The following FNIP1 variants were observed in gnomAD, a reference collection of about 807,000 sequenced individuals.
The protein encoded by FNIP1 is folliculin-interacting protein 1.
In FNIP1, 40 loss-of-function variants were observed where a neutral mutation model predicts 124.5. The ratio of observed to expected loss-of-function variants is 0.32; its 90% confidence interval spans 0.25 to 0.42. The LOEUF is 0.42. Among genes scored for constraint, FNIP1 ranks in the 10% least tolerant of loss-of-function variants. The pLI is 1.00. For missense variants in FNIP1, 1,176 were observed against 1,403.7 expected (o/e 0.84, Z 2.59); for synonymous variants, 472 against 470.6 (o/e 1.00, Z -0.04).
chr5:131,673,444 G>A (rs1767825923), intron 13 of FNIP1, among the ~76,000 whole-genome samples: 1 of 152,016 alleles, frequency 6.6e-6, no homozygotes, highest in Admixed American at 6.6e-5. Flanking sequence ...TGAATTTAAG[G>A]GTTTTCTGGT....
chr5:131,751,859 T>A (rs1770882633), intron 1 of FNIP1, among the ~76,000 whole-genome samples: 1 of 152,192 alleles, frequency 6.6e-6, no homozygotes, highest in African/African-American at 2.4e-5. Flanking sequence ...AGATGAAATG[T>A]TCTGGAATTA....
intron 3 of FNIP1, among the ~76,000 whole-genome samples, chr5:131,724,488 G>C (rs926716532): frequency 2.0e-5 from 3 of 151,882 alleles, no homozygotes; most frequent in Non-Finnish European, 2.9e-5. Flanking sequence ...TTTCATGTTT[G>C]TTGGCCGTGT....
chr5:131,781,258 A>C (rs1771987168), intron 1 of FNIP1, among the ~76,000 whole-genome samples: 1 of 152,278 alleles, frequency 6.6e-6, no homozygotes, highest in African/African-American at 2.4e-5. Context: ...TTAACATAAA[A>C]TTACAAGGTA....
intron 8 of FNIP1, among the ~76,000 whole-genome samples, chr5:131,708,786 T>C (rs908066158): frequency 1.3e-5 from 2 of 150,842 alleles, no homozygotes; most frequent in African/African-American, 4.9e-5. Context: ...AGGTCCATAT[T>C]TGGAAAAAAA....
At chr5:131,772,385 C>CT (rs1771665296) in intron 1 of FNIP1, among the ~76,000 whole-genome samples, 1 of 145,372 alleles carries the variant, frequency 6.9e-6, no homozygotes, top group East Asian at 2.1e-4. Flanking sequence ...AATTTTACTG[C>CT]ATGTAAACTG....
At chr5:131,712,965 G>A (rs1457301423) in intron 6 of FNIP1, among the ~76,000 whole-genome samples, 1 of 152,126 alleles carries the variant, frequency 6.6e-6, no homozygotes, top group Non-Finnish European at 1.5e-5. Context: ...AGCAGTAATT[G>A]ATGCTGATTA....
intron 15 of FNIP1, among the ~76,000 whole-genome samples, chr5:131,659,970 C>T (rs904809027): frequency 2.6e-5 from 4 of 152,210 alleles, no homozygotes; most frequent in Non-Finnish European, 5.9e-5. Flanking sequence ...AGAAGTCCTT[C>T]CGACCCATGC....
At chr5:131,735,485 G>A (rs1580796560) in intron 2 of FNIP1, among the ~76,000 whole-genome samples, 1 of 67,732 alleles carries the variant, frequency 1.5e-5, no homozygotes, top group Admixed American at 1.6e-4. Flanking sequence ...ACGTATATAT[G>A]TATATATACG....
At position 131,762,465 on chromosome 5, in the gene FNIP1, G is replaced by A. The variant is rs552025824; in HGVS notation, c.93-17775C>T. On this transcript the variant is annotated intron_variant, in intron 1 of 17. Coordinates refer to ENST00000510461, the MANE Select transcript of FNIP1 (RefSeq NM_133372.3). ...CCTGAATAGACATTTCTCAAAAGAAGACATACAGATGGCAAACAGGTATAT... is the reference window on the plus strand; with the variant it reads ...CCTGAATAGACATTTCTCAAAAGAAAACATACAGATGGCAAACAGGTATAT... Among the ~76,000 whole-genome samples the A allele has an allele frequency of 1.0e-3, 153 of 152,258 alleles. 1 individual carries two copies. Among genetic ancestry groups the A allele is most frequent in the African/African-American group, 3.5e-3 (146 of 41,544 alleles).
chr5:131,782,844 C>CA (rs1195620937), intron 1 of FNIP1, among the ~76,000 whole-genome samples: 1 of 152,172 alleles, frequency 6.6e-6, no homozygotes, highest in Admixed American at 6.5e-5. Context: ...GAGGCTAGGC[C>CA]AGGCGTGGTG....
At chr5:131,794,515 A>G (rs1247216959) in intron 1 of FNIP1, among the ~76,000 whole-genome samples, 2 of 152,226 alleles carry the variant, frequency 1.3e-5, no homozygotes, top group Non-Finnish European at 1.5e-5. Context: ...AGATTTATAC[A>G]CAAACATTAA....
chr5:131,647,055 T>C (rs1436522163), intron 17 of FNIP1, 35 bp downstream of exon 17: 2 of 1,590,772 alleles, frequency 1.3e-6, no homozygotes, highest in Non-Finnish European at 1.7e-6. Flanking sequence ...GACAGGGCAA[T>C]GAAAGCAAAG....
intron 16 of FNIP1, among the ~76,000 whole-genome samples, chr5:131,651,171 C>T (rs1046280022): frequency 6.6e-6 from 1 of 151,904 alleles, no homozygotes; most frequent in Non-Finnish European, 1.5e-5. Context: ...AGGAGGAACA[C>T]TTGAGCCCAG....
chr5:131,672,940 T>A lies in FNIP1; in HGVS notation c.1520-16A>T. ...TACAAGTCTCCTGTAATGGAAAAAA[T>A]CAGTTATTGGACATGTCCTTTACTG... On this transcript the variant is annotated splice_polypyrimidine_tract_variant and intron_variant, in intron 13 of 17. Coordinates refer to ENST00000510461, the MANE Select transcript of FNIP1 (RefSeq NM_133372.3). 1 of 1,509,108 alleles carries A rather than the reference T, an allele frequency of 6.6e-7. No individual in the cohort carries two copies. The highest frequency in any genetic ancestry group is 1.4e-5 in the South Asian group (1 of 72,250). The allele number at this position is 1,509,108 out of a possible 1,614,324, so 93.5% of individuals were successfully genotyped here.
chr5:131,756,429 T>C (rs974933424), intron 1 of FNIP1, among the ~76,000 whole-genome samples: 5 of 152,140 alleles, frequency 3.3e-5, no homozygotes, highest in Admixed American at 3.3e-4. Flanking sequence ...AAAACGTGTA[T>C]GTGTATGAAA....
At chr5:131,670,688 T>TAA (rs75570333) in intron 14 of FNIP1, 57 bp from the exon 15 acceptor site, 3,599 of 953,576 alleles carry the variant, frequency 3.8e-3, no homozygotes, top group South Asian at 4.8e-3. Context: ...ATTTAACCAG[T>TAA]AAAAAAAAAA....
At chr5:131,657,224 G>A (rs1467217607) in intron 15 of FNIP1, among the ~76,000 whole-genome samples, 4 of 151,528 alleles carry the variant, frequency 2.6e-5, no homozygotes, top group Non-Finnish European at 5.9e-5. Flanking sequence ...GGCTGGTCTC[G>A]AACTCCTGAC....
rs778607501 is a variant in FNIP1, at chr5:131,710,670, C to T, written c.623-9G>A. ...GCAGAACTGTGAAAGACCTACATGG[C>T]AAAAACGTAAAATACACATGAAAGA... On this transcript the variant is annotated splice_polypyrimidine_tract_variant and intron_variant, in intron 6 of 17. Coordinates refer to ENST00000510461, the MANE Select transcript of FNIP1 (RefSeq NM_133372.3). The T allele has an allele frequency of 1.2e-6, 2 of 1,611,920 alleles. No individual in the cohort carries two copies. Among genetic ancestry groups the T allele is most frequent in the Non-Finnish European group, 1.7e-6 (2 of 1,179,286 alleles).
At chr5:131,702,004 G>A (rs1271517820) in intron 10 of FNIP1, among the ~76,000 whole-genome samples, 1 of 152,102 alleles carries the variant, frequency 6.6e-6, no homozygotes, top group East Asian at 1.9e-4. Context: ...CAACTTCTGG[G>A]AATCTCCTCT....
Sources: gnomAD v4.1 joint callset for allele counts (sites outside exome capture counted in the v4.1 genomes callset) on GRCh38, gnomAD v4.1.1 for gene constraint, MANE v1.5 for transcripts, NCBI Gene and HGNC (gene_info 2026-07-23, HGNC 2026-07-21) for gene names.